Variants in PDE1C observed in about 807,000 individuals in gnomAD.
PDE1C encodes the protein dual specificity calcium/calmodulin-dependent 3',5'-cyclic nucleotide phosphodiesterase 1C.
In PDE1C, 62 loss-of-function variants were observed where a neutral mutation model predicts 93.1. That is an observed-to-expected ratio of 0.67 (90% CI 0.54 to 0.82). PDE1C has a LOEUF of 0.82. Ranked by LOEUF, PDE1C falls within the 40% of genes least tolerant of loss-of-function variation. The pLI, the probability that PDE1C is intolerant of heterozygous loss-of-function variation, is 0.00. For synonymous variants in PDE1C, 325 were observed against 310.1 expected, an observed-to-expected ratio of 1.05 and a Z score of -0.50; for missense variants, 742 against 884.6, an observed-to-expected ratio of 0.84 and a Z score of 2.04.
In PDE1C at chr7:32,141,988, T is replaced by C. The variant is rs1475169528; in HGVS notation, c.308+27797A>G. ...TAGAAGGAAATGAAATAGCTGGCCT[T>C]TTTTTAGTTTGTCCATGACCACACA... On this transcript the variant is annotated intron_variant, in intron 3 of 18. Transcript: ENST00000396193. Among the ~76,000 whole-genome samples, 3 of 152,132 alleles carry C rather than the reference T, an allele frequency of 2.0e-5. No homozygotes were observed. The East Asian group carries it at 5.8e-4, about 29-fold the overall frequency.
intron 2 of PDE1C, among the ~76,000 whole-genome samples, chr7:32,206,960 C>T (rs769727394): frequency 6.6e-6 from 1 of 152,214 alleles, no homozygotes; most frequent in African/African-American, 2.4e-5. Flanking sequence ...AGTTCCCTTC[C>T]CTCTTCCCTA....
Position 32,357,008 on chromosome 7 carries a change from C to G in PDE1C, c.310+70814G>C, listed in dbSNP as rs138917317. On this transcript the variant is annotated intron_variant, in intron 1 of 1. Coordinates refer to the PDE1C transcript ENST00000672256. ...CACATCCTTCCTAATCTGGAAAAAG[C>G]CTGTCTTCACTTCTGAGCATATCAT... Among the ~76,000 whole-genome samples, 11 of 152,202 alleles carry G rather than the reference C, an allele frequency of 7.2e-5. No individual in the cohort carries two copies. The East Asian group carries it at 2.1e-3, about 29-fold the overall frequency.
intron 1 of PDE1C, among the ~76,000 whole-genome samples, chr7:32,342,070 G>C (rs1330665193): frequency 2.6e-5 from 4 of 152,010 alleles, no homozygotes; most frequent in Admixed American, 1.3e-4. Context: ...TATATATTAA[G>C]AAAATAAATC....
At chr7:31,948,729 TCCTAATA>T (rs1165674969) in intron 2 of PDE1C, among the ~76,000 whole-genome samples, 1 of 152,104 alleles carries the variant, frequency 6.6e-6, no homozygotes, top group Admixed American at 6.6e-5. Context: ...TGTTCCATCA[TCCTAATA>T]CCTAGTACTC....
At chr7:32,186,075 ATTTGTTTTTTTGTTTTTTT>A (rs1803829540) in intron 2 of PDE1C, among the ~76,000 whole-genome samples, 1 of 113,696 alleles carries the variant, frequency 8.8e-6, no homozygotes, top group Non-Finnish European at 1.9e-5. Flanking sequence ...TTTTTCCCTA[ATTTGTTTTTTTGTTTTTTT>A]TTTTTTTTTT....
intron 1 of PDE1C, among the ~76,000 whole-genome samples, chr7:32,370,309 C>T (rs1562694088): frequency 6.6e-6 from 1 of 151,930 alleles, no homozygotes; most frequent in East Asian, 1.9e-4. Flanking sequence ...ATTAGCTGGG[C>T]GTGGTGGCGG....
At chr7:31,867,600 G>A (rs1208155547) in intron 6 of PDE1C, among the ~76,000 whole-genome samples, 2 of 152,106 alleles carry the variant, frequency 1.3e-5, no homozygotes, top group Non-Finnish European at 1.5e-5. Context: ...TGGAACTGAG[G>A]GGTTAGTCTC....
At chr7:31,714,084 G>A in the PDE1C span, among the ~76,000 whole-genome samples, 4 of 152,130 alleles carry the variant, frequency 2.6e-5, no homozygotes, top group Admixed American at 2.0e-4. Context: ...TCTATTGTCA[G>A]GCTGCAAATT....
At chr7:31,663,114 C>T in the PDE1C span, among the ~76,000 whole-genome samples, 1 of 152,128 alleles carries the variant, frequency 6.6e-6, no homozygotes, top group African/African-American at 2.4e-5. Context: ...CAGCTATTAC[C>T]CGTCTGTGAA....
chr7:32,120,791 G>T (rs1292054975), intron 3 of PDE1C, among the ~76,000 whole-genome samples: 1 of 152,114 alleles, frequency 6.6e-6, no homozygotes. Flanking sequence ...AAAAAATGCT[G>T]AAAACCCAAA....
chr7:31,622,251 G>A, the PDE1C span, among the ~76,000 whole-genome samples: 555 of 148,720 alleles, frequency 3.7e-3, 4 homozygotes, highest in African/African-American at 0.012. Flanking sequence ...TGCACCAAGC[G>A]GACCTAATAG....
At chr7:32,116,577 A>G (rs917944939) in intron 3 of PDE1C, among the ~76,000 whole-genome samples, 1 of 152,114 alleles carries the variant, frequency 6.6e-6, no homozygotes, top group African/African-American at 2.4e-5. Context: ...AAGGTGCCAG[A>G]ATTTTTCTGC....
chr7:31,965,226 T>C (rs1287297177), intron 2 of PDE1C, among the ~76,000 whole-genome samples: 2 of 151,906 alleles, frequency 1.3e-5, no homozygotes, highest in Non-Finnish European at 1.5e-5. Context: ...ATTAGATGAA[T>C]GGCTAACTAG....
chr7:32,166,365 G>A (rs1268411925), intron 3 of PDE1C, among the ~76,000 whole-genome samples: 1 of 152,108 alleles, frequency 6.6e-6, no homozygotes, highest in East Asian at 1.9e-4. Flanking sequence ...AAAGCCCTTG[G>A]TACAACTGAG....
At chr7:32,149,207 A>C (rs1355822447) in intron 3 of PDE1C, among the ~76,000 whole-genome samples, 1 of 152,248 alleles carries the variant, frequency 6.6e-6, no homozygotes, top group Non-Finnish European at 1.5e-5. Context: ...ATGTCAATAG[A>C]TAACATGAAC....
the PDE1C span, among the ~76,000 whole-genome samples, chr7:31,632,145 G>A: frequency 6.6e-6 from 1 of 152,134 alleles, no homozygotes; most frequent in South Asian, 2.1e-4. Context: ...TCAGAATGAA[G>A]ATTAAAATTA....
At chr7:31,728,454 C>T in the PDE1C span, among the ~76,000 whole-genome samples, 4 of 152,242 alleles carry the variant, frequency 2.6e-5, no homozygotes, top group East Asian at 1.9e-4. Context: ...GTAAGAGAAA[C>T]GCAACATTTG....
chr7:32,218,619 A>C (rs772888534), intron 1 of PDE1C, among the ~76,000 whole-genome samples: 1 of 152,202 alleles, frequency 6.6e-6, no homozygotes, highest in Non-Finnish European at 1.5e-5. Context: ...GGCTCAAGCA[A>C]TCTATTTCTT....
chr7:32,072,060 T>G (rs1225626766), upstream of PDE1C, among the ~76,000 whole-genome samples: 1 of 152,208 alleles, frequency 6.6e-6, no homozygotes, highest in African/African-American at 2.4e-5. Flanking sequence ...CTAGTTTCTC[T>G]TCACTGCTCA....
Sources: gnomAD v4.1 joint callset for allele counts (sites outside exome capture counted in the v4.1 genomes callset) on GRCh38, gnomAD v4.1.1 for gene constraint, MANE v1.5 for transcripts, NCBI Gene and HGNC (gene_info 2026-07-23, HGNC 2026-07-21) for gene names.